Variants in NCK1 observed in about 807,000 individuals in gnomAD.
NCK1 encodes the protein SH2/SH3 adapter protein NCK1.
A neutral mutation model predicts 36.6 loss-of-function variants in NCK1; 19 were observed. That is an observed-to-expected ratio of 0.52 (90% CI 0.36 to 0.76). The LOEUF (loss-of-function observed/expected upper bound fraction) is 0.76, where lower values mean the gene tolerates loss of function less well. NCK1 is among the 30% of genes least tolerant of loss of function. NCK1 has a pLI of 0.00. For synonymous variants in NCK1, 165 were observed against 156.0 expected (o/e 1.06, Z -0.43); for missense variants, 358 against 445.6 (o/e 0.80, Z 1.77).
At chr3:136,906,349 A>G (rs938664549) in intron 1 of NCK1, among the ~76,000 whole-genome samples, 2 of 151,710 alleles carry the variant, frequency 1.3e-5, no homozygotes, top group African/African-American at 4.8e-5. Flanking sequence ...AGCTCAAGTG[A>G]TCCTCCCGCC....
In NCK1 at chr3:136,951,553, C is replaced by T. The variant is rs1257262644; in HGVS notation, c.*3100C>T. Among the ~76,000 whole-genome samples the T allele has an allele frequency of 6.6e-6, 1 of 152,084 alleles. No individual in the cohort carries two copies. Among genetic ancestry groups the T allele is most frequent in the Admixed American group, 6.5e-5 (1 of 15,270 alleles). ...TGGTCCTCTTATCTTTACCAGTGCA[C>T]ATGGTGAAAAAATTCAAACAGTATA... On this transcript the variant is annotated 3_prime_UTR_variant, in exon 4 of 4. Transcript: ENST00000481752.
rs139819562 is a variant in NCK1 at position 136,882,669 on chromosome 3, C to T, written c.-19+20316C>T. On this transcript the variant is annotated intron_variant, in intron 1 of 3. Coordinates refer to ENST00000481752, the MANE Select transcript of NCK1 (RefSeq NM_001291999.2). ...ATGTCACCACCATAATCAGCTTTGG[C>T]TTCTCAGATTGTTTTGGAAGGGGAA... Among the ~76,000 whole-genome samples the T allele has an allele frequency of 2.0e-5, 3 of 151,890 alleles. No individual in the cohort carries two copies. In the East Asian group the frequency reaches 5.8e-4, roughly 29 times the overall value.
chr3:136,902,049 G>A (rs901586695), intron 1 of NCK1, among the ~76,000 whole-genome samples: 3 of 151,856 alleles, frequency 2.0e-5, no homozygotes, highest in Admixed American at 6.6e-5. Context: ...TCGGTATGTT[G>A]TATTAGATTT....
At chr3:136,940,517 G>T (rs1940644215) in intron 2 of NCK1, among the ~76,000 whole-genome samples, 1 of 151,992 alleles carries the variant, frequency 6.6e-6, no homozygotes. Flanking sequence ...AATATATGCT[G>T]TCCTTTGTCT....
intron 1 of NCK1, among the ~76,000 whole-genome samples, chr3:136,869,115 C>G (rs1156242433): frequency 6.6e-6 from 1 of 151,810 alleles, no homozygotes; most frequent in Non-Finnish European, 1.5e-5. Context: ...TGGTGCATGC[C>G]TGTAGTCCCA....
chr3:136,885,637 T>C (rs1322409342), intron 1 of NCK1, among the ~76,000 whole-genome samples: 2 of 152,198 alleles, frequency 1.3e-5, no homozygotes, highest in Non-Finnish European at 1.5e-5. Context: ...GTTTCTTCAG[T>C]TAAAAATGGT....
chr3:136,889,011 AGG>A (rs1319493649), intron 1 of NCK1: 1 of 148,948 alleles, frequency 6.7e-6, no homozygotes, highest in Non-Finnish European at 1.5e-5. Flanking sequence ...CTGGGACTGC[AGG>A]CATGTGCCAC....
chr3:136,946,356 A>C, intron 3 of NCK1, 61 bp downstream of exon 3: 1 of 1,411,874 alleles, frequency 7.1e-7, no homozygotes, highest in Non-Finnish European at 9.7e-7. Context: ...AAAAAGAGAG[A>C]GAGAAATGGA....
chr3:136,880,226 A>G (rs976903377), intron 1 of NCK1, among the ~76,000 whole-genome samples: 2 of 151,832 alleles, frequency 1.3e-5, no homozygotes, highest in South Asian at 4.2e-4. Context: ...TGGAGCTTGC[A>G]GTGAGCCGAG....
chr3:136,881,170 T>C (rs2108077849), intron 1 of NCK1, among the ~76,000 whole-genome samples: 1 of 152,258 alleles, frequency 6.6e-6, no homozygotes, highest in African/African-American at 2.4e-5. Flanking sequence ...ATCACCATAC[T>C]ACTCAAGTCA....
At chr3:136,940,700 A>G (rs12493179) in intron 2 of NCK1, among the ~76,000 whole-genome samples, 6 of 152,052 alleles carry the variant, frequency 3.9e-5, no homozygotes, top group Admixed American at 3.9e-4. Flanking sequence ...ACCTGACATC[A>G]TGCCTAACTA....
chr3:136,865,841 C>G (rs137869556), intron 1 of NCK1, among the ~76,000 whole-genome samples: 72 of 152,336 alleles, frequency 4.7e-4, no homozygotes, highest in African/African-American at 1.6e-3. Flanking sequence ...GTCTTCCCTT[C>G]AAAACTGATT....
At chr3:136,930,980 CTTT>C (rs34682748) in intron 2 of NCK1, among the ~76,000 whole-genome samples, 2 of 149,274 alleles carry the variant, frequency 1.3e-5, no homozygotes, top group African/African-American at 2.5e-5. Context: ...TTGGAATTAA[CTTT>C]TTTTTTTTTA....
chr3:136,916,417 T>G (rs917771965), intron 1 of NCK1, among the ~76,000 whole-genome samples: 1 of 152,156 alleles, frequency 6.6e-6, no homozygotes, highest in Non-Finnish European at 1.5e-5. Flanking sequence ...CAGTAATGTA[T>G]TCATGAGGTA....
intron 1 of NCK1, among the ~76,000 whole-genome samples, chr3:136,890,280 G>A (rs1255733947): frequency 1.3e-5 from 2 of 152,184 alleles, no homozygotes; most frequent in Non-Finnish European, 2.9e-5. Context: ...GGGCCGGCCG[G>A]CTGCTCTGAG....
chr3:136,871,251 T>A (rs1172890558), intron 1 of NCK1, among the ~76,000 whole-genome samples: 1 of 151,442 alleles, frequency 6.6e-6, no homozygotes, highest in Non-Finnish European at 1.5e-5. Flanking sequence ...AAAAAAAAAA[T>A]TAGCCAGGTT....
In NCK1 at chr3:136,946,299, A is replaced by G. The variant is rs754626434; in HGVS notation, c.939+4A>G. On this transcript the variant is annotated splice_donor_region_variant and intron_variant, in intron 3 of 3. Transcript: ENST00000481752. ...CATTCGTGATAGTGAATCTTCGGTAAGTTGATTTTCGGAGGTAAATACAAA... is the reference window on the plus strand; with the variant it reads ...CATTCGTGATAGTGAATCTTCGGTAGGTTGATTTTCGGAGGTAAATACAAA... The G allele has an allele frequency of 1.0e-5, 16 of 1,599,882 alleles. No individual in the cohort carries two copies. In the Admixed American group the frequency reaches 1.9e-4, roughly 19 times the overall value.
rs147584657 is a variant in NCK1, at chr3:136,921,329, C to T, written c.-18-6655C>T. ...TTTAACTCAGGAAACAACTAGAGGA[C>T]GTGCTCCAGCAAAATGAAGGGTAAA... On this transcript the variant is annotated intron_variant, in intron 1 of 3. Coordinates refer to ENST00000481752, the MANE Select transcript of NCK1 (RefSeq NM_001291999.2). Among the ~76,000 whole-genome samples the T allele has an allele frequency of 3.0e-3, 452 of 152,202 alleles. 1 individual carries two copies. Among genetic ancestry groups the T allele is most frequent in the African/African-American group, 9.5e-3 (394 of 41,528 alleles).
intron 1 of NCK1, among the ~76,000 whole-genome samples, chr3:136,925,446 A>G (rs964645474): frequency 3.9e-5 from 6 of 152,176 alleles, no homozygotes; most frequent in Non-Finnish European, 7.4e-5. Context: ...ATCTGGCAGA[A>G]GTATAGTACA....
Sources: gnomAD v4.1 joint callset for allele counts (sites outside exome capture counted in the v4.1 genomes callset) on GRCh38, gnomAD v4.1.1 for gene constraint, MANE v1.5 for transcripts, NCBI Gene and HGNC (gene_info 2026-07-23, HGNC 2026-07-21) for gene names.